Variants in SLC41A3 observed in about 807,000 individuals in gnomAD.
SLC41A3 encodes the protein SLC41A1-like 2.
In SLC41A3, 44 loss-of-function variants were observed where a neutral mutation model predicts 45.4. The ratio of observed to expected loss-of-function variants is 0.97; its 90% confidence interval spans 0.76 to 1.25. The LOEUF is 1.25. SLC41A3 is among the 50% of genes most tolerant of loss of function. The probability of loss-of-function intolerance (pLI) is 0.00; values close to 1 mark genes in which losing one functional copy is unlikely to be tolerated. For missense variants in SLC41A3, 550 were observed against 600.6 expected, an observed-to-expected ratio of 0.92 and a Z score of 0.88; for synonymous variants, 256 against 252.4, an observed-to-expected ratio of 1.01 and a Z score of -0.13.
At chr3:126,077,478 A>G (rs1042578283) in intron 1 of SLC41A3, among the ~76,000 whole-genome samples, 1 of 152,154 alleles carries the variant, frequency 6.6e-6, no homozygotes. Flanking sequence ...TATCCTTCCA[A>G]TGTTTACCCA....
chr3:126,027,465 T>C (rs997159283), intron 4 of SLC41A3, among the ~76,000 whole-genome samples: 2 of 152,188 alleles, frequency 1.3e-5, no homozygotes, highest in African/African-American at 4.8e-5. Context: ...GCTTCCATGC[T>C]GTACAGCCTG....
intron 1 of SLC41A3, among the ~76,000 whole-genome samples, chr3:126,081,765 G>A (rs1945164090): frequency 6.6e-6 from 1 of 152,200 alleles, no homozygotes; most frequent in African/African-American, 2.4e-5. Context: ...GAGGCAACTG[G>A]GCAGTGACCA....
chr3:126,077,883 G>A (rs930602897), intron 1 of SLC41A3, among the ~76,000 whole-genome samples: 1 of 152,224 alleles, frequency 6.6e-6, no homozygotes, highest in African/African-American at 2.4e-5. Context: ...CGACTGTGAT[G>A]TGCAGTGGGG....
chr3:126,015,556 A>G lies in SLC41A3; in HGVS notation c.908T>C (p.Leu303Ser). ...MVISSFGGLI[L>S]SKTVSKQQYK... ...CTGCTGTTTAGAAACGGTTTTGCTC[A>G]AGATGAGTCCTCCGAAACTGGGGAA... The change falls in exon 8 of 11, where the codon TTG (leucine) becomes TCG (serine). Residue 303 changes from leucine (L) to serine (S), a missense_variant. Coordinates refer to ENST00000360370, the MANE Select transcript of SLC41A3 (RefSeq NM_017836.4). The G allele has an allele frequency of 1.9e-6, 3 of 1,614,234 alleles. No homozygotes were observed. The highest frequency in any genetic ancestry group is 2.5e-6 in the Non-Finnish European group (3 of 1,180,014).
upstream of SLC41A3, among the ~76,000 whole-genome samples, chr3:126,086,301 T>C (rs552212710): frequency 7.2e-5 from 11 of 152,166 alleles, no homozygotes; most frequent in South Asian, 2.3e-3. Context: ...TCCTAAGTTC[T>C]CTTCTTCTCT....
chr3:126,090,443 T>G (rs1200738934), intron 1 of SLC41A3, among the ~76,000 whole-genome samples: 1 of 152,238 alleles, frequency 6.6e-6, no homozygotes, highest in Non-Finnish European at 1.5e-5. Context: ...CAGTAGATTT[T>G]GACCATAATT....
intron 3 of SLC41A3, among the ~76,000 whole-genome samples, chr3:126,048,072 G>C (rs1176449927): frequency 6.6e-6 from 1 of 152,152 alleles, no homozygotes; most frequent in African/African-American, 2.4e-5. Context: ...CAAAGGACTT[G>C]AATAGACAGT....
At position 126,010,073 on chromosome 3, in the gene SLC41A3, G is replaced by A. The variant is rs529572698; in HGVS notation, c.1106-1193C>T. ...ACCTTGGGCTGCAATGAACAACATG[G>A]TCGTGAGTCCCCTGAATTGTCCTTT... On this transcript the variant is annotated intron_variant, in intron 9 of 10. Coordinates refer to ENST00000360370, the MANE Select transcript of SLC41A3 (RefSeq NM_017836.4). Among the ~76,000 whole-genome samples, 246 of 152,220 alleles carry A rather than the reference G, an allele frequency of 1.6e-3. 1 individual carries two copies. The highest frequency in any genetic ancestry group is 1.7e-3 in the Non-Finnish European group (119 of 68,044).
At chr3:126,093,505 C>A (rs1265533437) in intron 1 of SLC41A3, among the ~76,000 whole-genome samples, 13 of 150,288 alleles carry the variant, frequency 8.7e-5, no homozygotes, top group Admixed American at 2.7e-4. Context: ...AAGCTGTGAG[C>A]CTTCTGCCTG....
At chr3:126,049,304 T>C (rs1270045944) in intron 3 of SLC41A3, among the ~76,000 whole-genome samples, 1 of 151,972 alleles carries the variant, frequency 6.6e-6, no homozygotes, top group East Asian at 1.9e-4. Context: ...CTGACCAACA[T>C]GGTATAACCC....
chr3:126,047,615 A>G lies in SLC41A3; in HGVS notation c.381+3328T>C, dbSNP rs62263462. Among the ~76,000 whole-genome samples the G allele has an allele frequency of 5.4e-3, 822 of 152,324 alleles. 2 individuals are homozygous for G. The highest frequency in any genetic ancestry group is 0.02 in the Middle Eastern group (6 of 294). Reference sequence around the variant, plus strand: ...AAACCCTTAAATATATGGTCAAATGACAAGGGTGCCACGGACATTCAATGG... The same window carrying G: ...AAACCCTTAAATATATGGTCAAATGGCAAGGGTGCCACGGACATTCAATGG... On this transcript the variant is annotated intron_variant, in intron 3 of 10. Transcript: ENST00000360370.
At chr3:126,017,055 T>A (rs1293573942) in intron 6 of SLC41A3, among the ~76,000 whole-genome samples, 180 bp from the exon 7 acceptor site, 1 of 152,086 alleles carries the variant, frequency 6.6e-6, no homozygotes, top group Non-Finnish European at 1.5e-5. Flanking sequence ...CTGGAAAAGC[T>A]CCTCTCTGTC....
intron 6 of SLC41A3, among the ~76,000 whole-genome samples, chr3:126,018,338 A>G (rs1940515394): frequency 6.6e-6 from 1 of 152,234 alleles, no homozygotes; most frequent in Non-Finnish European, 1.5e-5. Flanking sequence ...AATAACCCAT[A>G]TACAAATCTT....
intron 9 of SLC41A3, among the ~76,000 whole-genome samples, chr3:126,010,103 CTT>C (rs1333978603): frequency 2.6e-5 from 4 of 152,222 alleles, no homozygotes; most frequent in Non-Finnish European, 4.4e-5. Flanking sequence ...TCCTTTTTCT[CTT>C]TCTTTCTTTG....
intron 2 of SLC41A3, among the ~76,000 whole-genome samples, chr3:126,064,222 C>T (rs903854891): frequency 1.3e-5 from 2 of 152,124 alleles, no homozygotes; most frequent in Non-Finnish European, 2.9e-5. Flanking sequence ...GCGCGTTCCC[C>T]TCCTGACTCT....
intron 3 of SLC41A3, among the ~76,000 whole-genome samples, chr3:126,047,613 T>C (rs1943047908): frequency 6.6e-6 from 1 of 152,104 alleles, no homozygotes; most frequent in Non-Finnish European, 1.5e-5. Flanking sequence ...TATGGTCAAA[T>C]GACAAGGGTG....
At chr3:126,009,382 G>T (rs1939462827) in intron 9 of SLC41A3, among the ~76,000 whole-genome samples, 1 of 152,168 alleles carries the variant, frequency 6.6e-6, no homozygotes, top group Non-Finnish European at 1.5e-5. Flanking sequence ...GGGACCTCGG[G>T]CAGCCCCTTC....
chr3:126,030,262 T>C (rs1251488377), intron 4 of SLC41A3, among the ~76,000 whole-genome samples: 1 of 141,916 alleles, frequency 7.0e-6, no homozygotes, highest in Non-Finnish European at 1.5e-5. Context: ...TAACATATAA[T>C]ATATATGATA....
At chr3:126,086,343 CT>C (rs983417649), upstream of SLC41A3, among the ~76,000 whole-genome samples, 1 of 145,236 alleles carries the variant, frequency 6.9e-6, no homozygotes, top group African/African-American at 2.5e-5. Context: ...TCTGCTTTTA[CT>C]TTTGTACTGA....
Sources: allele counts gnomAD v4.1 joint callset (sites outside exome capture counted in the v4.1 genomes callset), GRCh38; gene constraint gnomAD v4.1.1; transcripts MANE v1.5; gene names NCBI Gene and HGNC (gene_info 2026-07-23, HGNC 2026-07-21).